NDST4: variants seen among roughly 807,000 people sequenced by gnomAD.
NDST4 encodes N-heparan sulfate sulfotransferase 4.
Under a neutral mutation model 100.8 loss-of-function variants are expected in NDST4, and 63 were observed. The observed-to-expected ratio is 0.62, with a 90% CI of 0.51 to 0.77. NDST4 has a LOEUF of 0.77. NDST4 is among the 30% of genes least tolerant of loss of function. The pLI, the probability that NDST4 is intolerant of heterozygous loss-of-function variation, is 0.00. For missense variants in NDST4, 943 were observed against 1,018.4 expected (o/e 0.93, Z 1.01); for synonymous variants, 377 against 361.8 (o/e 1.04, Z -0.48).
At chr4:114,926,645 C>T (rs902311764) in intron 6 of NDST4, among the ~76,000 whole-genome samples, 1 of 151,848 alleles carries the variant, frequency 6.6e-6, no homozygotes. Flanking sequence ...AGGGCCAACA[C>T]AAAATAATGT....
chr4:114,963,180 T>TATCCATTCC (rs1726302042), intron 4 of NDST4, among the ~76,000 whole-genome samples: 1 of 152,146 alleles, frequency 6.6e-6, no homozygotes, highest in South Asian at 2.1e-4. Context: ...GTCTATGAAC[T>TATCCATTCC]GATAAGGAAT....
chr4:115,032,043 G>GA (rs1728127924), intron 2 of NDST4, among the ~76,000 whole-genome samples: 1 of 152,018 alleles, frequency 6.6e-6, no homozygotes, highest in Non-Finnish European at 1.5e-5. Context: ...TATAAAATGA[G>GA]AGTTCTATCT....
intron 2 of NDST4, among the ~76,000 whole-genome samples, chr4:115,075,804 G>T (rs1357483545): frequency 1.6e-5 from 1 of 63,004 alleles, no homozygotes; most frequent in Admixed American, 1.4e-4. Flanking sequence ...AAAAAAAAAA[G>T]GCAAAGAGAT....
At chr4:114,988,101 ATAT>A (rs1462067603) in intron 2 of NDST4, among the ~76,000 whole-genome samples, 14 of 152,112 alleles carry the variant, frequency 9.2e-5, no homozygotes, top group Admixed American at 9.2e-4. Context: ...AAATTCCTTC[ATAT>A]TATGGAATTC....
intron 9 of NDST4, among the ~76,000 whole-genome samples, chr4:114,846,653 A>G (rs551965600): frequency 6.5e-4 from 99 of 152,232 alleles, no homozygotes; most frequent in African/African-American, 2.2e-3. Context: ...TGGATTATGG[A>G]ATCAATATGT....
chr4:115,001,007 A>G (rs1172239085), intron 2 of NDST4, among the ~76,000 whole-genome samples: 1 of 152,030 alleles, frequency 6.6e-6, no homozygotes, highest in Non-Finnish European at 1.5e-5. Context: ...CACTAATCCC[A>G]TTCATGAGGC....
chr4:114,972,098 A>G (rs1210612483), intron 3 of NDST4, among the ~76,000 whole-genome samples: 2 of 152,028 alleles, frequency 1.3e-5, no homozygotes, highest in African/African-American at 2.4e-5. Flanking sequence ...ACACTGTTTT[A>G]GAAACTTTGC....
intron 2 of NDST4, among the ~76,000 whole-genome samples, chr4:115,015,393 AC>A (rs1209285099): frequency 6.6e-6 from 1 of 152,100 alleles, no homozygotes; most frequent in Admixed American, 6.6e-5. Flanking sequence ...AATCTTTCCA[AC>A]TGGCAGAACT....
intron 12 of NDST4, among the ~76,000 whole-genome samples, chr4:114,833,295 G>T (rs1222647430): frequency 6.6e-6 from 1 of 151,952 alleles, no homozygotes; most frequent in Non-Finnish European, 1.5e-5. Flanking sequence ...TTTCACCTTT[G>T]TAAACTAAAT....
At chr4:115,059,166 C>T (rs769280380) in intron 2 of NDST4, among the ~76,000 whole-genome samples, 2 of 151,866 alleles carry the variant, frequency 1.3e-5, no homozygotes, top group African/African-American at 2.4e-5. Context: ...ACAAAGCAAT[C>T]AACTGAATTC....
At chr4:115,097,268 A>G (rs1729638244) in intron 1 of NDST4, among the ~76,000 whole-genome samples, 1 of 152,122 alleles carries the variant, frequency 6.6e-6, no homozygotes. Flanking sequence ...ATCTAACCAC[A>G]TATGTGATAT....
intron 1 of NDST4, among the ~76,000 whole-genome samples, chr4:115,098,093 T>C (rs1458725785): frequency 6.6e-6 from 1 of 152,180 alleles, no homozygotes; most frequent in Non-Finnish European, 1.5e-5. Flanking sequence ...TTACACCATA[T>C]ACATAATATT....
chr4:115,020,656 T>C (rs551388862), intron 2 of NDST4, among the ~76,000 whole-genome samples: 5 of 151,898 alleles, frequency 3.3e-5, no homozygotes, highest in Non-Finnish European at 7.4e-5. Context: ...AGTCTATACA[T>C]CTATACATCT....
chr4:115,049,907 G>A (rs561587557), intron 2 of NDST4, among the ~76,000 whole-genome samples: 2 of 152,216 alleles, frequency 1.3e-5, no homozygotes, highest in African/African-American at 4.8e-5. Context: ...AGGCCTTATA[G>A]CCCATTAAGC....
chr4:114,865,723 G>A (rs1041112338), intron 7 of NDST4, among the ~76,000 whole-genome samples: 2 of 152,128 alleles, frequency 1.3e-5, no homozygotes, highest in African/African-American at 2.4e-5. Flanking sequence ...ACCTCAATAA[G>A]TGGTTTGTGT....
At chr4:115,084,522 G>A (rs1279975315) in intron 1 of NDST4, among the ~76,000 whole-genome samples, 1 of 152,146 alleles carries the variant, frequency 6.6e-6, no homozygotes, top group African/African-American at 2.4e-5. Flanking sequence ...CACAGGCCTG[G>A]AGGCCTAGGA....
At position 114,839,290 on chromosome 4, in the gene NDST4, G is replaced by T. The variant is rs538747554; in HGVS notation, c.2286+88C>A. 3.9e-6 allele frequency: 5 copies of T among 1,276,872 alleles called. No individual in the cohort carries two copies. The South Asian group carries it at 6.6e-5, about 17-fold the overall frequency. The allele number at this position is 1,276,872 out of a possible 1,614,324, so 79.1% of individuals were successfully genotyped here. On this transcript the variant is annotated intron_variant, in intron 11 of 13. Coordinates refer to ENST00000264363, the MANE Select transcript of NDST4 (RefSeq NM_022569.3). Reference sequence around the variant, plus strand: ...TGCAATACAATCATGATAAGCAGAAGAAAGTAATTTCAGGACATTATAATA... The same window carrying T: ...TGCAATACAATCATGATAAGCAGAATAAAGTAATTTCAGGACATTATAATA...
intron 1 of NDST4, among the ~76,000 whole-genome samples, chr4:115,096,192 A>G (rs181283500): frequency 0.012 from 397 of 33,378 alleles, 13 homozygotes; most frequent in Admixed American, 0.01. Flanking sequence ...TAATGGATAG[A>G]ACATTACTCA....
At chr4:115,060,374 A>G (rs1008696657) in intron 2 of NDST4, among the ~76,000 whole-genome samples, 1 of 151,990 alleles carries the variant, frequency 6.6e-6, no homozygotes, top group Non-Finnish European at 1.5e-5. Flanking sequence ...AAAATGAAAA[A>G]TGCATTTTCA....
Sources: gnomAD v4.1 joint callset for allele counts (sites outside exome capture counted in the v4.1 genomes callset) on GRCh38, gnomAD v4.1.1 for gene constraint, MANE v1.5 for transcripts, NCBI Gene and HGNC (gene_info 2026-07-23, HGNC 2026-07-21) for gene names.